AGAP1: variants seen among roughly 807,000 people sequenced by gnomAD.
AGAP1 encodes arf-GAP with GTPase, ANK repeat and PH domain-containing protein 1.
AGAP1 carries 29 observed loss-of-function variants against 105.3 expected under a neutral mutation model. The observed-to-expected ratio is 0.28, with a 90% CI of 0.21 to 0.38. The LOEUF is 0.38. Ranked by LOEUF, AGAP1 falls within the 10% of genes least tolerant of loss-of-function variation. The pLI is 1.00. For synonymous variants in AGAP1, 509 were observed against 485.9 expected, an observed-to-expected ratio of 1.05 and a Z score of -0.63; for missense variants, 998 against 1,165.1, an observed-to-expected ratio of 0.86 and a Z score of 2.09.
intron 13 of AGAP1, among the ~76,000 whole-genome samples, chr2:235,991,989 A>G (rs1530938): frequency 0.54 from 82,620 of 152,124 alleles, 22,546 homozygotes; most frequent in South Asian, 0.68. Context: ...CCAGCCTCAC[A>G]AATGTCCACA....
rs1433299611 is a variant in AGAP1, at chr2:236,001,331, G to A, written c.1645+32708G>A. 2.6e-5 allele frequency among the ~76,000 whole-genome samples: 4 copies of A among 152,200 alleles called. No individual in the cohort carries two copies. Among genetic ancestry groups the A allele is most frequent in the African/African-American group, 7.2e-5 (3 of 41,454 alleles). Reference sequence around the variant, plus strand: ...TTTTTGTGGTTTCACGCCACCCAGCGTGCGGTGCATTGTGGCAGGTGCAGG... The same window carrying A: ...TTTTTGTGGTTTCACGCCACCCAGCATGCGGTGCATTGTGGCAGGTGCAGG... On this transcript the variant is annotated intron_variant, in intron 13 of 17. Coordinates refer to ENST00000304032, the MANE Select transcript of AGAP1 (RefSeq NM_001037131.3). This position sits in a 1 kb window ranked among gnomAD's most constrained non-coding sequence, Gnocchi z 4.7.
intron 1 of AGAP1, among the ~76,000 whole-genome samples, chr2:235,528,867 G>C (rs1942946674): frequency 2.1e-5 from 1 of 47,168 alleles, no homozygotes; most frequent in Non-Finnish European, 3.8e-5. Context: ...AGTACAGATG[G>C]GATTTTACTG....
chr2:235,997,019 C>T (rs578083434), intron 13 of AGAP1, among the ~76,000 whole-genome samples: 2 of 152,314 alleles, frequency 1.3e-5, no homozygotes, highest in East Asian at 3.9e-4. Flanking sequence ...TCTGGCTTTA[C>T]CCATAATGAA....
At position 235,754,926 on chromosome 2, in the gene AGAP1, T is replaced by G. The variant is rs955179872; in HGVS notation, c.673+4438T>G. 5.3e-5 allele frequency among the ~76,000 whole-genome samples: 8 copies of G among 152,250 alleles called. No homozygotes were observed. Among genetic ancestry groups the G allele is most frequent in the Admixed American group, 2.6e-4 (4 of 15,292 alleles). ...AAGTGTGGCAGCCCAGGCTGCTTTC[T>G]GGGGGTGGAGCGTTCTCGCTCCTGC... On this transcript the variant is annotated intron_variant, in intron 6 of 17. Coordinates refer to ENST00000304032, the MANE Select transcript of AGAP1 (RefSeq NM_001037131.3). This position sits in a 1 kb window ranked among gnomAD's most constrained non-coding sequence, Gnocchi z 4.6.
At chr2:236,085,844 A>C (rs551840941) in intron 16 of AGAP1, among the ~76,000 whole-genome samples, 29 of 152,352 alleles carry the variant, frequency 1.9e-4, no homozygotes, top group Middle Eastern at 3.4e-3. Flanking sequence ...CAAGCCCCAC[A>C]CAAGGAGCAG....
intron 1 of AGAP1, among the ~76,000 whole-genome samples, chr2:235,509,906 C>T (rs901638005): frequency 1.3e-5 from 2 of 152,046 alleles, no homozygotes; most frequent in African/African-American, 2.4e-5. Flanking sequence ...CCTTGTGTTA[C>T]CCCCTGAGCT....
intron 1 of AGAP1, among the ~76,000 whole-genome samples, chr2:235,646,365 C>G (rs1185731790): frequency 1.3e-5 from 2 of 151,820 alleles, no homozygotes; most frequent in Non-Finnish European, 1.5e-5. Flanking sequence ...AATAGAATCT[C>G]TCAAGGTCCA....
chr2:236,083,539 A>G lies in AGAP1; in HGVS notation c.2114+34258A>G, dbSNP rs1409595888. 6.6e-6 allele frequency among the ~76,000 whole-genome samples: 1 copy of G among 152,152 alleles called. No homozygotes were observed. The highest frequency in any genetic ancestry group is 2.4e-5 in the African/African-American group (1 of 41,432). On this transcript the variant is annotated intron_variant, in intron 16 of 17. Transcript: ENST00000304032. This position sits in a 1 kb window ranked among gnomAD's most constrained non-coding sequence, Gnocchi z 5.3. ...CAGCAGTTACCAGCTTAACTAAGAC[A>G]TTGTCACTGGAATTCCGTATAAATG... is the stretch of plus-strand genomic sequence containing the variant.
At chr2:235,838,532 G>A (rs575045261) in intron 9 of AGAP1, among the ~76,000 whole-genome samples, 37 of 152,324 alleles carry the variant, frequency 2.4e-4, no homozygotes, top group African/African-American at 7.7e-4. Context: ...GATTAACTAC[G>A]TATTGTACCA....
At position 236,109,028 on chromosome 2, in the gene AGAP1, C is replaced by T. The variant is rs1394855567; in HGVS notation, c.2115-11164C>T. The stretch of plus-strand genomic sequence containing the variant: ...AGGACCAAAACACAGCTGATGGTGG[C>T]TGTGTGAGACCTCATCTTTGCAGCT... On this transcript the variant is annotated intron_variant, in intron 16 of 17. Transcript: ENST00000304032. This position sits in a 1 kb window ranked among gnomAD's most constrained non-coding sequence, Gnocchi z 5.4. Among the ~76,000 whole-genome samples the T allele has an allele frequency of 6.6e-6, 1 of 152,218 alleles. No individual in the cohort carries two copies. Among genetic ancestry groups the T allele is most frequent in the Non-Finnish European group, 1.5e-5 (1 of 68,034 alleles).
intron 1 of AGAP1, among the ~76,000 whole-genome samples, chr2:235,685,170 C>T (rs1949313822): frequency 6.6e-6 from 1 of 152,032 alleles, no homozygotes; most frequent in South Asian, 2.1e-4. Flanking sequence ...GTGAGGGGAC[C>T]TTTCTTTATT....
intron 13 of AGAP1, among the ~76,000 whole-genome samples, chr2:236,006,216 C>G (rs2056318063): frequency 6.6e-6 from 1 of 152,134 alleles, no homozygotes; most frequent in Non-Finnish European, 1.5e-5. Context: ...TGCCCTACAC[C>G]CCATCTCTGT....
intron 1 of AGAP1, among the ~76,000 whole-genome samples, chr2:235,502,873 T>C (rs1941625195): frequency 6.6e-6 from 1 of 152,148 alleles, no homozygotes; most frequent in South Asian, 2.1e-4. Flanking sequence ...AGGACGAAGC[T>C]ACTGTTACCC....
intron 9 of AGAP1, among the ~76,000 whole-genome samples, chr2:235,819,190 A>G (rs1958638448): frequency 6.7e-6 from 1 of 149,604 alleles, no homozygotes; most frequent in Non-Finnish European, 1.5e-5. Flanking sequence ...ATCTTGGCTC[A>G]CTGTAACCTC....
chr2:235,537,445 G>C (rs367685833), intron 1 of AGAP1, among the ~76,000 whole-genome samples: 121 of 152,318 alleles, frequency 7.9e-4, no homozygotes, highest in South Asian at 3.1e-3. Context: ...CCTCATGGAG[G>C]CTGGGGAGTC....
rs535206367 is a variant in AGAP1 at position 235,957,292 on chromosome 2, T to C, written c.1484-11170T>C. 3.9e-5 allele frequency among the ~76,000 whole-genome samples: 6 copies of C among 152,332 alleles called. No homozygotes were observed. Among genetic ancestry groups the C allele is most frequent in the Admixed American group, 6.5e-5 (1 of 15,308 alleles). ...AATTTAGAGAGATCTCTGGGCGTAA[T>C]TGAAAATGGCCCAAGTAGGCAATTC... On this transcript the variant is annotated intron_variant, in intron 12 of 17. Coordinates refer to ENST00000304032, the MANE Select transcript of AGAP1 (RefSeq NM_001037131.3). The surrounding 1 kb of genome is among the most constrained non-coding windows in gnomAD (Gnocchi z 4.6).
intron 16 of AGAP1, among the ~76,000 whole-genome samples, chr2:236,093,094 C>A (rs1431599515): frequency 6.6e-6 from 1 of 152,194 alleles, no homozygotes; most frequent in Non-Finnish European, 1.5e-5. Context: ...AAAATGCCAA[C>A]CAGTAAACAG....
At chr2:235,512,935 C>T (rs937358478) in intron 1 of AGAP1, among the ~76,000 whole-genome samples, 6 of 152,248 alleles carry the variant, frequency 3.9e-5, no homozygotes, top group Non-Finnish European at 7.3e-5. Flanking sequence ...GGCTCCCGGC[C>T]GGCCTAGGCC....
At position 235,751,444 on chromosome 2, in the gene AGAP1, T is replaced by G. The variant is rs546025393; in HGVS notation, c.673+956T>G. Among the ~76,000 whole-genome samples, 300 of 152,206 alleles carry G rather than the reference T, an allele frequency of 2.0e-3. No homozygotes were observed. Among genetic ancestry groups the G allele is most frequent in the Admixed American group, 3.1e-3 (48 of 15,302 alleles). ...CAGAGCAGGGCAGCCACACTCGGGCTCTCCAGAGAGTGCTGGAGCCGCTTC... is the reference window on the plus strand; with the variant it reads ...CAGAGCAGGGCAGCCACACTCGGGCGCTCCAGAGAGTGCTGGAGCCGCTTC... On this transcript the variant is annotated intron_variant, in intron 6 of 17. Transcript: ENST00000304032. This position sits in a 1 kb window ranked among gnomAD's most constrained non-coding sequence, Gnocchi z 5.3.
Sources: gnomAD v4.1 joint callset for allele counts (sites outside exome capture counted in the v4.1 genomes callset) on GRCh38, gnomAD v4.1.1 for gene constraint, Gnocchi (gnomAD v3.1) non-coding constraint, MANE v1.5 for transcripts, NCBI Gene and HGNC (gene_info 2026-07-23, HGNC 2026-07-21) for gene names.